The following ACTR3C variants were observed in gnomAD, a reference collection of about 807,000 sequenced individuals.
ACTR3C encodes the protein actin-related protein 3C.
Under a neutral mutation model 26.3 loss-of-function variants are expected in ACTR3C, and 18 were observed. The observed-to-expected ratio is 0.68, with a 90% CI of 0.47 to 1.01. ACTR3C has a LOEUF of 1.01. ACTR3C is among the 50% of genes least tolerant of loss of function. The pLI, the probability that ACTR3C is intolerant of heterozygous loss-of-function variation, is 0.00. For missense variants in ACTR3C, 184 were observed against 250.7 expected, an observed-to-expected ratio of 0.73 and a Z score of 1.80; for synonymous variants, 55 against 94.5, an observed-to-expected ratio of 0.58 and a Z score of 2.42.
the ACTR3C span, among the ~76,000 whole-genome samples, chr7:150,121,096 G>T: frequency 1.3e-5 from 2 of 151,994 alleles, no homozygotes; most frequent in Admixed American, 6.6e-5. Context: ...AAAATAATAA[G>T]AACTATTTAT....
the ACTR3C span, among the ~76,000 whole-genome samples, chr7:150,138,286 C>G: frequency 6.6e-6 from 1 of 152,094 alleles, no homozygotes; most frequent in Non-Finnish European, 1.5e-5. Flanking sequence ...AAGACGAGAA[C>G]TTGAAAACTT....
the ACTR3C span, among the ~76,000 whole-genome samples, chr7:150,103,377 T>C: frequency 2.0e-5 from 3 of 152,146 alleles, no homozygotes; most frequent in African/African-American, 7.2e-5. Flanking sequence ...TCAGAAAAGT[T>C]TGAGCTCTTC....
intron 1 of ACTR3C, among the ~76,000 whole-genome samples, chr7:150,316,254 A>G (rs1471894409): frequency 6.6e-6 from 1 of 152,196 alleles, no homozygotes; most frequent in Admixed American, 6.5e-5. Flanking sequence ...TGGATGTACC[A>G]TACTTTCTTT....
the ACTR3C span, among the ~76,000 whole-genome samples, chr7:149,917,326 C>T: frequency 6.6e-6 from 1 of 152,134 alleles, no homozygotes; most frequent in South Asian, 2.1e-4. Context: ...CTGCCCGCCT[C>T]GGCCTCCCAA....
chr7:150,057,576 G>A, the ACTR3C span, among the ~76,000 whole-genome samples: 4 of 152,108 alleles, frequency 2.6e-5, no homozygotes, highest in Non-Finnish European at 4.4e-5. Context: ...ATGAGCCACC[G>A]TGCCCAGCCA....
chr7:150,101,863 G>A, the ACTR3C span, among the ~76,000 whole-genome samples: 2 of 151,496 alleles, frequency 1.3e-5, no homozygotes, highest in East Asian at 1.9e-4. Context: ...TGAAAATTGG[G>A]GTACATTCTT....
At chr7:150,159,778 C>T in the ACTR3C span, among the ~76,000 whole-genome samples, 1 of 151,894 alleles carries the variant, frequency 6.6e-6, no homozygotes, top group African/African-American at 2.4e-5. Context: ...TATTCATATG[C>T]TTCTATGGTC....
At chr7:150,266,805 T>C (rs779103182) in intron 6 of ACTR3C, among the ~76,000 whole-genome samples, 2 of 152,226 alleles carry the variant, frequency 1.3e-5, no homozygotes, top group Non-Finnish European at 2.9e-5. Flanking sequence ...AAATGACCGC[T>C]AAGTACAGGA....
chr7:150,297,197 A>G (rs922971274), intron 1 of ACTR3C, among the ~76,000 whole-genome samples: 5 of 148,252 alleles, frequency 3.4e-5, no homozygotes, highest in African/African-American at 1.1e-4. Context: ...CAAGAATTCT[A>G]TATCTGGCCA....
chr7:150,041,633 T>G, the ACTR3C span, among the ~76,000 whole-genome samples: 20 of 72,270 alleles, frequency 2.8e-4, no homozygotes, highest in Non-Finnish European at 3.8e-4. Flanking sequence ...TCGCGGGGGG[T>G]GCCTCCCCCC....
chr7:150,132,683 C>T, the ACTR3C span, among the ~76,000 whole-genome samples: 3 of 152,228 alleles, frequency 2.0e-5, no homozygotes, highest in Admixed American at 2.0e-4. Flanking sequence ...ATCCCAGCCA[C>T]TGTGAAGAGC....
At chr7:149,909,349 CTGTA>C in the ACTR3C span, among the ~76,000 whole-genome samples, 2 of 141,902 alleles carry the variant, frequency 1.4e-5, no homozygotes, top group Non-Finnish European at 3.0e-5. Flanking sequence ...AGCTAACAGA[CTGTA>C]TGTACTTAAA....
the ACTR3C span, among the ~76,000 whole-genome samples, chr7:149,918,371 T>A: frequency 3.3e-5 from 5 of 151,702 alleles, no homozygotes; most frequent in South Asian, 6.3e-4. Context: ...CAAAAAAAAT[T>A]TTTAAGCAAT....
chr7:149,951,576 C>A, the ACTR3C span, among the ~76,000 whole-genome samples: 3 of 151,788 alleles, frequency 2.0e-5, no homozygotes, highest in East Asian at 5.8e-4. Flanking sequence ...ACATGTGGCC[C>A]CCAGGCAGTT....
chr7:150,288,941 G>A (rs1835994244), intron 4 of ACTR3C, among the ~76,000 whole-genome samples: 1 of 151,758 alleles, frequency 6.6e-6, no homozygotes. Context: ...AGGCAGTGAG[G>A]AGAAGTGTGG....
the ACTR3C span, among the ~76,000 whole-genome samples, chr7:149,896,349 GTT>G: frequency 6.6e-6 from 1 of 152,140 alleles, no homozygotes. Context: ...CTTGAGGAAA[GTT>G]ATTATTAACC....
chr7:150,034,199 T>G, the ACTR3C span, among the ~76,000 whole-genome samples: 29,417 of 151,494 alleles, frequency 0.19, 3,712 homozygotes, highest in East Asian at 0.34. Context: ...TTTGCTTCTT[T>G]TACTAGCAGG....
the ACTR3C span, among the ~76,000 whole-genome samples, chr7:149,963,895 A>G: frequency 2.0e-5 from 3 of 152,344 alleles, no homozygotes; most frequent in East Asian, 5.8e-4. Flanking sequence ...TGGAATGTTT[A>G]TGTATATCAC....
the ACTR3C span, among the ~76,000 whole-genome samples, chr7:150,071,784 A>G: frequency 6.6e-6 from 1 of 151,852 alleles, no homozygotes. Flanking sequence ...GCCAAACTCC[A>G]GAACGTGGTT....
Sources: allele counts gnomAD v4.1 joint callset (sites outside exome capture counted in the v4.1 genomes callset), GRCh38; gene constraint gnomAD v4.1.1; transcripts MANE v1.5; gene names NCBI Gene and HGNC (gene_info 2026-07-23, HGNC 2026-07-21).